Variants in GNPTAB observed in about 807,000 individuals in gnomAD.
GNPTAB encodes the protein N-acetylglucosamine-1-phosphotransferase subunits alpha/beta.
Under a neutral mutation model 136.6 loss-of-function variants are expected in GNPTAB, and 92 were observed. That is an observed-to-expected ratio of 0.67 (90% CI 0.57 to 0.80). The LOEUF (loss-of-function observed/expected upper bound fraction) is 0.80. GNPTAB is among the 30% of genes least tolerant of loss of function. The probability of loss-of-function intolerance (pLI) is 0.00; values close to 1 mark genes in which losing one functional copy is unlikely to be tolerated. For missense variants in GNPTAB, 1,343 were observed against 1,501.8 expected (o/e 0.89, Z 1.75); for synonymous variants, 512 against 535.1 (o/e 0.96, Z 0.60).
intron 5 of GNPTAB, among the ~76,000 whole-genome samples, chr12:101,782,833 C>G (rs1259190424): frequency 6.6e-6 from 1 of 152,140 alleles, no homozygotes; most frequent in Non-Finnish European, 1.5e-5. Context: ...TTCAAACATG[C>G]CAGATACACT....
chr12:101,787,870 G>A (rs977395121), intron 4 of GNPTAB, among the ~76,000 whole-genome samples: 3 of 135,790 alleles, frequency 2.2e-5, no homozygotes, highest in East Asian at 2.2e-4. Flanking sequence ...CCGAGATCGC[G>A]CCACTGCACT....
At chr12:101,811,126 A>C (rs1207480756) in intron 1 of GNPTAB, among the ~76,000 whole-genome samples, 1 of 152,200 alleles carries the variant, frequency 6.6e-6, no homozygotes, top group Non-Finnish European at 1.5e-5. Flanking sequence ...GTCCAACCCC[A>C]ATCAGTTAAC....
rs777670284 is a variant in GNPTAB, at chr12:101,760,041, C to A, written c.3238G>T (p.Asp1080Tyr). 5 of 1,600,750 alleles carry A rather than the reference C, an allele frequency of 3.1e-6. No homozygotes were observed. The highest frequency in any genetic ancestry group is 4.3e-6 in the Non-Finnish European group (5 of 1,167,974). Reference protein sequence around the residue: ...NIPPTQESYYDPNLPPVTKSL... With the variant: ...NIPPTQESYYYPNLPPVTKSL... ...CCCATTCCACTTACCAGGTTGGGATCATAGTAGGATTCCTGAGTTGGTGGA... is the reference window on the plus strand; with the variant it reads ...CCCATTCCACTTACCAGGTTGGGATAATAGTAGGATTCCTGAGTTGGTGGA... Residue 1080 changes from aspartate (D) to tyrosine (Y), a missense_variant, in exon 16 of 21, where the codon GAT becomes TAT. Physicochemically the swap from Asp to Tyr is radical, Grantham distance 160. Coordinates refer to ENST00000299314, the MANE Select transcript of GNPTAB (RefSeq NM_024312.5).
chr12:101,790,068 C>T lies in GNPTAB; in HGVS notation c.204-11G>A. On this transcript the variant is annotated splice_polypyrimidine_tract_variant and intron_variant, in intron 2 of 20. Transcript: ENST00000299314. ...ATGGGCAGACAAAGCCTAGGGCAAACCAACAAATCCTCCAGCTTAAATGCA... is the reference window on the plus strand; with the variant it reads ...ATGGGCAGACAAAGCCTAGGGCAAATCAACAAATCCTCCAGCTTAAATGCA... The T allele has an allele frequency of 6.2e-7, 1 of 1,614,114 alleles. No individual in the cohort carries two copies. Among genetic ancestry groups the T allele is most frequent in the Non-Finnish European group, 8.5e-7 (1 of 1,179,990 alleles).
At chr12:101,776,071 T>A (rs1388768608) in intron 7 of GNPTAB, among the ~76,000 whole-genome samples, 1 of 146,070 alleles carries the variant, frequency 6.8e-6, no homozygotes, top group African/African-American at 2.4e-5. Flanking sequence ...AAAATGTGAC[T>A]ATAAATGCTT....
At chr12:101,804,247 T>A (rs1360601787) in intron 1 of GNPTAB, among the ~76,000 whole-genome samples, 1 of 151,774 alleles carries the variant, frequency 6.6e-6, no homozygotes, top group East Asian at 1.9e-4. Context: ...TGCTTTGTGC[T>A]TTGACAATGC....
intron 1 of GNPTAB, among the ~76,000 whole-genome samples, chr12:101,817,775 C>T (rs1870580178): frequency 6.6e-6 from 1 of 152,102 alleles, no homozygotes; most frequent in Admixed American, 6.6e-5. Context: ...GTCTGGGGAA[C>T]ATAGCGAGAT....
At chr12:101,789,777 C>G (rs539788405) in intron 3 of GNPTAB, among the ~76,000 whole-genome samples, 161 bp downstream of exon 3, 15 of 152,306 alleles carry the variant, frequency 9.8e-5, no homozygotes, top group Admixed American at 4.6e-4. Context: ...AGCCACCATG[C>G]CTGGCCTGTT....
rs397507447 is a variant in GNPTAB, at chr12:101,770,182, G to T, written c.1123C>A (p.Arg375=). The T allele has an allele frequency of 6.2e-7, 1 of 1,614,050 alleles. No individual in the cohort carries two copies. The highest frequency in any genetic ancestry group is 1.7e-5 in the Admixed American group (1 of 60,012). The part of the protein sequence containing the change: ...VTIVTHQDVF[R]NLSHLPTFSS... ...AAGGTAGGCAAGTGGCTCAAATTTC[G>T]AAAAACATCCTTTTAACAACAACAA... is the stretch of plus-strand genomic sequence containing the variant. Residue 375 remains arginine (R), a synonymous_variant, in exon 10 of 21, where the codon CGA becomes AGA. Coordinates refer to ENST00000299314, the MANE Select transcript of GNPTAB (RefSeq NM_024312.5).
intron 9 of GNPTAB, 59 bp downstream of exon 9, chr12:101,770,347 C>T (rs1475455760): frequency 3.5e-6 from 5 of 1,416,350 alleles, no homozygotes; most frequent in Non-Finnish European, 5.0e-6. Context: ...AATCCCTGTA[C>T]CACACTAAAA....
Position 101,747,234 on chromosome 12 carries a change from G to C in GNPTAB, c.3701C>G (p.Ala1234Gly), listed in dbSNP as rs1952747075. 5 of 1,563,104 alleles carry C rather than the reference G, an allele frequency of 3.2e-6. No individual in the cohort carries two copies. In the South Asian group the frequency reaches 5.6e-5, roughly 17 times the overall value. The change falls in exon 21 of 21, where the codon GCA becomes GGA. Residue 1234 changes from alanine (A) to glycine (G), a missense_variant. Ala to Gly is a moderately conservative substitution (Grantham distance 60, BLOSUM62 0). Coordinates refer to ENST00000299314, the MANE Select transcript of GNPTAB (RefSeq NM_024312.5). ...IFSFFAEQLI[A>G]LKRKIFPRRR... ...TCTGGGAAATATCTTCCGCTTAAGT[G>C]CAATTAACTAAATGATGAAAGACAG...
At chr12:101,782,045 G>A (rs1178667128) in intron 5 of GNPTAB, among the ~76,000 whole-genome samples, 2 of 152,144 alleles carry the variant, frequency 1.3e-5, no homozygotes, top group South Asian at 2.1e-4. Context: ...TCATAGGTCC[G>A]GTCTTGCTGA....
intron 1 of GNPTAB, among the ~76,000 whole-genome samples, chr12:101,826,950 G>GTTTTTTTTTTTTTTTTTTT (rs902178707): frequency 1.6e-5 from 1 of 62,350 alleles, no homozygotes. Flanking sequence ...TGTGGGAGTT[G>GTTTTTTTTTTTTTTTTTTT]TTTTTTTTTT....
chr12:101,772,903 A>G (rs1953200276), intron 7 of GNPTAB, among the ~76,000 whole-genome samples: 1 of 152,100 alleles, frequency 6.6e-6, no homozygotes, highest in Non-Finnish European at 1.5e-5. Flanking sequence ...TGCAACCTCC[A>G]TCTCCCGGGT....
intron 10 of GNPTAB, among the ~76,000 whole-genome samples, chr12:101,769,068 C>G (rs1594217935): frequency 6.6e-6 from 1 of 152,174 alleles, no homozygotes; most frequent in Admixed American, 6.5e-5. Flanking sequence ...CAATTACAGA[C>G]AAAGTAGTTT....
chr12:101,779,710 T>C lies in GNPTAB; in HGVS notation c.771+442A>G, dbSNP rs1373658622. ...GACTTCCCCTCATCTCCTCCTCCCA[T>C]GCTTCCATTGTTCACACCCTAAGTT... On this transcript the variant is annotated intron_variant, in intron 7 of 20. Coordinates refer to ENST00000299314, the MANE Select transcript of GNPTAB (RefSeq NM_024312.5). 4 of 198,294 alleles carry C rather than the reference T, an allele frequency of 2.0e-5. No individual in the cohort carries two copies. The East Asian group carries it at 3.8e-4, about 19-fold the overall frequency. The allele number at this position is 198,294 out of a possible 1,614,324, so 12.3% of individuals were successfully genotyped here. A position where few individuals can be genotyped will look rare whatever the true frequency, so the allele number is the denominator to read the frequency against.
chr12:101,761,076 T>C, intron 15 of GNPTAB, 51 bp downstream of exon 15: 2 of 1,391,026 alleles, frequency 1.4e-6, no homozygotes, highest in Non-Finnish European at 1.0e-6. Context: ...CTGACCAGAA[T>C]TAAATTCTCA....
intron 2 of GNPTAB, among the ~76,000 whole-genome samples, chr12:101,791,453 G>T (rs1868982885): frequency 7.4e-6 from 1 of 135,476 alleles, no homozygotes; most frequent in Non-Finnish European, 1.5e-5. Context: ...AAAGATAGTT[G>T]ATGAGCCAAA....
intron 8 of GNPTAB, 27 bp downstream of exon 8, chr12:101,770,969 C>T (rs1566077930): frequency 1.9e-6 from 3 of 1,607,012 alleles, no homozygotes; most frequent in Admixed American, 1.7e-5. Context: ...TTGATTTGGG[C>T]TGTAAAAGCT....
Sources: gnomAD v4.1 joint callset for allele counts (sites outside exome capture counted in the v4.1 genomes callset) on GRCh38, gnomAD v4.1.1 for gene constraint, MANE v1.5 for transcripts, NCBI Gene and HGNC (gene_info 2026-07-23, HGNC 2026-07-21) for gene names.